The following DNAH5 variants were observed in gnomAD, a reference collection of about 807,000 sequenced individuals.
DNAH5 encodes axonemal beta dynein heavy chain 5.
Under a neutral mutation model 518.2 loss-of-function variants are expected in DNAH5, and 372 were observed. That is an observed-to-expected ratio of 0.72 (90% CI 0.66 to 0.78). The LOEUF (loss-of-function observed/expected upper bound fraction) is 0.78. Ranked by LOEUF, DNAH5 falls within the 30% of genes least tolerant of loss-of-function variation. The pLI is 0.00. For synonymous variants in DNAH5, 2,039 were observed against 2,025.9 expected, an observed-to-expected ratio of 1.01 and a Z score of -0.17; for missense variants, 5,523 against 5,687.0, an observed-to-expected ratio of 0.97 and a Z score of 0.93.
rs561631945 is a variant in DNAH5 at position 13,787,448 on chromosome 5, G to A, written c.8648-1097C>T. ...AATCTTTTTATAACAAATGAGATTG[G>A]TTTAACACAATCATGAAGATTGACC... On this transcript the variant is annotated intron_variant, in intron 51 of 78. Coordinates refer to ENST00000265104, the MANE Select transcript of DNAH5 (RefSeq NM_001369.3). 2.0e-5 allele frequency among the ~76,000 whole-genome samples: 3 copies of A among 152,198 alleles called. No individual in the cohort carries two copies. The East Asian group carries it at 5.8e-4, about 29-fold the overall frequency.
intron 37 of DNAH5, 42 bp from the exon 38 acceptor site, chr5:13,829,746 G>T: frequency 6.5e-7 from 1 of 1,539,150 alleles, no homozygotes; most frequent in Non-Finnish European, 9.0e-7. Context: ...ATGCAATCAA[G>T]CACACATCAG....
At chr5:13,898,680 T>C (rs1774206327) in intron 15 of DNAH5, 1 of 398,396 alleles carries the variant, frequency 2.5e-6, no homozygotes, top group Non-Finnish European at 4.4e-6. Context: ...AACGTAGTGG[T>C]AGAAAAGATC....
At chr5:13,996,440 C>T (rs1783957843) in intron 1 of DNAH5, among the ~76,000 whole-genome samples, 1 of 152,200 alleles carries the variant, frequency 6.6e-6, no homozygotes, top group South Asian at 2.1e-4. Context: ...ATACCAATAG[C>T]ATCTAAATCA....
rs1447855302 is a variant in DNAH5 at position 13,865,143 on chromosome 5, T to A, written c.4356-506A>T. On this transcript the variant is annotated intron_variant, in intron 27 of 78. Transcript: ENST00000265104. ...CCGAGTAGCTGGGATTACAGGTACG[T>A]GCCGCCATGCCCAGCTAATTTTTGT... 2.6e-5 allele frequency among the ~76,000 whole-genome samples: 4 copies of A among 151,684 alleles called. No individual in the cohort carries two copies. In the East Asian group the frequency reaches 7.8e-4, roughly 30 times the overall value.
Position 13,701,374 on chromosome 5 carries a change from C to T in DNAH5, c.13401G>A (p.Gln4467=). 1 of 1,614,014 alleles carries T rather than the reference C, an allele frequency of 6.2e-7. No individual in the cohort carries two copies. The highest frequency in any genetic ancestry group is 8.5e-7 in the Non-Finnish European group (1 of 1,179,954). ...GGCCATTGAAAACCCACGAGGTAAA[C>T]TGGCTGTTTCTTTCTATAAGTTCAG... The part of the protein sequence containing the change: ...WFTELIERNS[Q]FTSWVFNGRP... The change falls in exon 77 of 79, where the codon CAG becomes CAA. Residue 4467 remains glutamine (Q), a synonymous_variant. Transcript: ENST00000265104.
At chr5:13,735,973 G>C in intron 66 of DNAH5, 41 bp from the exon 67 acceptor site, 1 of 1,468,254 alleles carries the variant, frequency 6.8e-7, no homozygotes, top group Non-Finnish European at 9.5e-7. Context: ...TACGAGAGAG[G>C]AAAATAAATG....
intron 29 of DNAH5, among the ~76,000 whole-genome samples, chr5:13,859,865 T>A (rs2151900669): frequency 6.6e-6 from 1 of 152,298 alleles, no homozygotes; most frequent in Middle Eastern, 3.4e-3. Context: ...GGCATTAGAC[T>A]TGATTCCACC....
At chr5:13,866,672 T>C (rs972530397) in intron 25 of DNAH5, among the ~76,000 whole-genome samples, 2 of 152,206 alleles carry the variant, frequency 1.3e-5, no homozygotes, top group African/African-American at 4.8e-5. Context: ...TGGCCTATAA[T>C]CTTAACATTC....
upstream of DNAH5, among the ~76,000 whole-genome samples, chr5:13,947,236 C>T (rs181240053): frequency 7.2e-5 from 11 of 152,132 alleles, no homozygotes; most frequent in Non-Finnish European, 8.8e-5. Flanking sequence ...GTTACCTTTA[C>T]GCTTACATTC....
intron 1 of DNAH5, among the ~76,000 whole-genome samples, chr5:13,995,086 A>AATCACATG (rs1783840805): frequency 6.6e-6 from 1 of 152,090 alleles, no homozygotes; most frequent in African/African-American, 2.4e-5. Context: ...ATGCCATAAT[A>AATCACATG]ATCACATGTG....
chr5:14,007,644 A>C (rs1404597189), intron 1 of DNAH5, among the ~76,000 whole-genome samples: 1 of 152,198 alleles, frequency 6.6e-6, no homozygotes, highest in African/African-American at 2.4e-5. Flanking sequence ...CCTCATAAGA[A>C]TCTGACAACT....
At chr5:13,753,027 G>A (rs548770274) in intron 63 of DNAH5, among the ~76,000 whole-genome samples, 56 of 152,294 alleles carry the variant, frequency 3.7e-4, no homozygotes, top group African/African-American at 9.4e-4. Flanking sequence ...TTGAAAGATG[G>A]CATTGGTAGA....
intron 75 of DNAH5, among the ~76,000 whole-genome samples, chr5:13,711,518 A>T (rs192787711): frequency 6.6e-6 from 1 of 152,322 alleles, no homozygotes; most frequent in African/African-American, 2.4e-5. Flanking sequence ...TCCTGGCCAG[A>T]GCAATCAGTC....
rs1359172536 is a variant in DNAH5 at position 13,716,701 on chromosome 5, T to C, written c.12706-11A>G. 2 of 1,589,050 alleles carry C rather than the reference T, an allele frequency of 1.3e-6. No homozygotes were observed. The highest frequency in any genetic ancestry group is 3.3e-5 in the Admixed American group (2 of 59,952). ...GGTCCAGGAGACACCCTGGGAAATT[T>C]TATAGAATAATTATGTAGAACTGAC... On this transcript the variant is annotated splice_polypyrimidine_tract_variant and intron_variant, in intron 73 of 78. Transcript: ENST00000265104.
chr5:13,718,827 G>T, intron 72 of DNAH5, 55 bp downstream of exon 72: 1 of 1,448,484 alleles, frequency 6.9e-7, no homozygotes, highest in South Asian at 1.1e-5. Context: ...ATTTTTTTAG[G>T]AAAACAATTT....
At chr5:13,976,656 A>G (rs903792061) in intron 1 of DNAH5, among the ~76,000 whole-genome samples, 3 of 150,524 alleles carry the variant, frequency 2.0e-5, no homozygotes, top group Admixed American at 6.6e-5. Context: ...TATCATAGGT[A>G]TGTATGTATA....
intron 45 of DNAH5, among the ~76,000 whole-genome samples, chr5:13,809,403 A>C (rs935016205): frequency 6.6e-6 from 1 of 152,216 alleles, no homozygotes; most frequent in Non-Finnish European, 1.5e-5. Context: ...AAATACTAGG[A>C]AGTATTTTGG....
chr5:13,994,737 C>T (rs1783812449), intron 1 of DNAH5, among the ~76,000 whole-genome samples: 1 of 152,124 alleles, frequency 6.6e-6, no homozygotes, highest in African/African-American at 2.4e-5. Flanking sequence ...AGCTCTTCAC[C>T]CGCCTCTTCC....
chr5:14,008,227 G>A (rs548186837), intron 1 of DNAH5, among the ~76,000 whole-genome samples: 1 of 151,018 alleles, frequency 6.6e-6, no homozygotes. Context: ...AAAGCATGCA[G>A]TATGTATTTT....
Sources: gnomAD v4.1 joint callset for allele counts (sites outside exome capture counted in the v4.1 genomes callset) on GRCh38, gnomAD v4.1.1 for gene constraint, MANE v1.5 for transcripts, NCBI Gene and HGNC (gene_info 2026-07-23, HGNC 2026-07-21) for gene names.